Variants in TDP1 observed in about 807,000 individuals in gnomAD.
The protein encoded by TDP1 is tyr-DNA phosphodiesterase 1.
In TDP1, 64 loss-of-function variants were observed where a neutral mutation model predicts 81.5. The observed-to-expected ratio is 0.79, with a 90% CI of 0.64 to 0.97. TDP1 has a LOEUF of 0.97. Ranked by LOEUF, TDP1 falls within the 50% of genes least tolerant of loss-of-function variation. The probability of loss-of-function intolerance (pLI) is 0.00; values close to 1 mark genes in which losing one functional copy is unlikely to be tolerated. For missense variants in TDP1, 723 were observed against 743.8 expected (o/e 0.97, Z 0.33); for synonymous variants, 256 against 264.3 (o/e 0.97, Z 0.30).
Position 90,013,295 on chromosome 14 carries a change from C to CA in TDP1, c.1542-6020dup, listed in dbSNP as rs533340037. Among the ~76,000 whole-genome samples, 13 of 152,288 alleles carry CA rather than the reference C, an allele frequency of 8.5e-5. No homozygotes were observed. The South Asian group carries it at 2.7e-3, about 32-fold the overall frequency. On this transcript the variant is annotated intron_variant, in intron 14 of 16. Coordinates refer to ENST00000335725, the MANE Select transcript of TDP1 (RefSeq NM_018319.4). ...ATGATATGGTTTGGCTCTGTGTCCT[C>CA]ACCCAAATGTCATCTTGAACTGTAG...
At chr14:90,001,889 G>A (rs1897218423) in intron 14 of TDP1, among the ~76,000 whole-genome samples, 1 of 151,540 alleles carries the variant, frequency 6.6e-6, no homozygotes, top group South Asian at 2.1e-4. Flanking sequence ...CACTGCTTCT[G>A]TAGGCATCGA....
chr14:90,040,380 AC>A (rs1276197209), intron 16 of TDP1, among the ~76,000 whole-genome samples: 1 of 152,236 alleles, frequency 6.6e-6, no homozygotes, highest in Non-Finnish European at 1.5e-5. Context: ...CCAGGCCACA[AC>A]CCAGACCTAC....
chr14:89,966,251 C>A (rs1031760339), intron 4 of TDP1, 61 bp downstream of exon 4: 1 of 1,101,744 alleles, frequency 9.1e-7, no homozygotes, highest in African/African-American at 1.5e-5. Context: ...TTAAACAACT[C>A]CATAAGAAAA....
chr14:89,960,926 G>A (rs1404250098), intron 2 of TDP1, among the ~76,000 whole-genome samples: 1 of 152,112 alleles, frequency 6.6e-6, no homozygotes, highest in African/African-American at 2.4e-5. Context: ...AGAAAGGAGA[G>A]CTTAGTTCTT....
intron 10 of TDP1, chr14:89,988,400 C>G (rs2140114394): frequency 6.1e-6 from 1 of 163,196 alleles, no homozygotes; most frequent in East Asian, 1.9e-4. Context: ...GTGACCAGCC[C>G]CCATCCTGAA....
At chr14:90,029,338 C>T (rs1451640580) in intron 15 of TDP1, among the ~76,000 whole-genome samples, 1 of 151,690 alleles carries the variant, frequency 6.6e-6, no homozygotes, top group Non-Finnish European at 1.5e-5. Flanking sequence ...GCTGGGATTA[C>T]AGATGCGCAC....
At chr14:89,968,442 G>C (rs1424218551) in intron 5 of TDP1, among the ~76,000 whole-genome samples, 1 of 152,156 alleles carries the variant, frequency 6.6e-6, no homozygotes, top group Non-Finnish European at 1.5e-5. Context: ...CAGGTAGCAG[G>C]AAGGGGAAAG....
rs371976307 is a variant in TDP1 at position 90,033,102 on chromosome 14, G to A, written c.1645-4G>A. ...AATCATAGATTTCCTCTGTGTGTCT[G>A]CAGGGTCTAGACAGTTTCAAAGTGA... On this transcript the variant is annotated splice_polypyrimidine_tract_variant and splice_region_variant and intron_variant, in intron 15 of 16. Transcript: ENST00000335725. 8.8e-6 allele frequency: 14 copies of A among 1,590,422 alleles called. No individual in the cohort carries two copies. Among genetic ancestry groups the A allele is most frequent in the Non-Finnish European group, 1.1e-5 (13 of 1,159,028 alleles).
chr14:89,960,558 G>T (rs995535343), intron 2 of TDP1, among the ~76,000 whole-genome samples: 3 of 152,158 alleles, frequency 2.0e-5, no homozygotes, highest in African/African-American at 7.2e-5. Context: ...CTTTTAGAAA[G>T]CAGATATGAG....
Position 89,971,215 on chromosome 14 carries a change from G to A in TDP1, c.700G>A (p.Ala234Thr), listed in dbSNP as rs1470857718. ...ILLVHGDKREAKAHLHAQAKP... is the reference protein window; with the variant it reads ...ILLVHGDKRETKAHLHAQAKP... ...GCTTGTGCATGGTGATAAGCGAGAG[G>A]CTAAGGCTCACCTCCATGCCCAGGC... is the stretch of plus-strand genomic sequence containing the variant. The change falls in exon 6 of 17, where the codon GCT becomes ACT. Residue 234 changes from alanine (A) to threonine (T), a missense_variant. Transcript: ENST00000335725. 1.2e-6 allele frequency: 2 copies of A among 1,614,100 alleles called. No individual in the cohort carries two copies. The highest frequency in any genetic ancestry group is 1.7e-6 in the Non-Finnish European group (2 of 1,179,990).
intron 5 of TDP1, among the ~76,000 whole-genome samples, chr14:89,969,915 C>T (rs35561677): frequency 0.045 from 5,596 of 124,244 alleles, 374 homozygotes; most frequent in African/African-American, 0.16. Context: ...CTCGCTCTGT[C>T]GCCCAGGCTG....
chr14:89,968,861 T>C lies in TDP1; in HGVS notation c.659+1439T>C, dbSNP rs34429441. ...TATCTCACCCCCAAAAAAGATCTGTTGGAATCCTAAGCCTCAGTACCTCAG... is the reference window on the plus strand; with the variant it reads ...TATCTCACCCCCAAAAAAGATCTGTCGGAATCCTAAGCCTCAGTACCTCAG... On this transcript the variant is annotated intron_variant, in intron 5 of 16. Coordinates refer to ENST00000335725, the MANE Select transcript of TDP1 (RefSeq NM_018319.4). 2.1e-3 allele frequency among the ~76,000 whole-genome samples: 321 copies of C among 152,348 alleles called. 2 individuals carry two copies. Among genetic ancestry groups the C allele is most frequent in the African/African-American group, 7.3e-3 (304 of 41,580 alleles).
rs535399480 is a variant in TDP1, at chr14:89,983,378, G to A, written c.885-1138G>A. Reference sequence around the variant, plus strand: ...TGTCTCCCCAGGGTGGGAAGCAGGGGTATGAAATGCCCCTTGCTAGAAACT... The same window carrying A: ...TGTCTCCCCAGGGTGGGAAGCAGGGATATGAAATGCCCCTTGCTAGAAACT... On this transcript the variant is annotated intron_variant, in intron 8 of 16. Coordinates refer to ENST00000335725, the MANE Select transcript of TDP1 (RefSeq NM_018319.4). The A allele has an allele frequency of 2.9e-4, 65 of 221,602 alleles. 1 individual carries two copies. Among genetic ancestry groups the A allele is most frequent in the African/African-American group, 4.5e-4 (19 of 42,676 alleles). 13.7% of individuals were successfully genotyped at this position (221,602 alleles called of 1,614,324 possible).
rs1895878601 is a variant in TDP1, at chr14:89,989,016, G to C, written c.1243G>C (p.Glu415Gln). ...CGATGAATCAAAGTGGTTATGTTCT[G>C]AGTTTAAAGAGAGCATGCTGACACT... is the stretch of plus-strand genomic sequence containing the variant. Reference protein sequence around the residue: ...GADESKWLCSEFKESMLTLGK... With the variant: ...GADESKWLCSQFKESMLTLGK... Residue 415 changes from glutamate (E) to glutamine (Q), a missense_variant, in exon 11 of 17, where the codon GAG becomes CAG. Glu to Gln is a conservative substitution (Grantham distance 29). Transcript: ENST00000335725. 6.2e-7 allele frequency: 1 copy of C among 1,614,138 alleles called. No homozygotes were observed.
At chr14:90,006,866 A>G (rs1333615012) in intron 14 of TDP1, among the ~76,000 whole-genome samples, 1 of 151,952 alleles carries the variant, frequency 6.6e-6, no homozygotes, top group Non-Finnish European at 1.5e-5. Flanking sequence ...TGTATTTTTC[A>G]TAGAGATGGA....
chr14:90,001,682 A>G (rs923490097), intron 14 of TDP1, among the ~76,000 whole-genome samples: 1 of 151,946 alleles, frequency 6.6e-6, no homozygotes, highest in Non-Finnish European at 1.5e-5. Flanking sequence ...CTCAGGTTTT[A>G]TTTTTTTCTG....
At chr14:90,030,204 CGTGTCTTCCCTGTCCCCCTCCTCT>C (rs1269562948) in intron 15 of TDP1, among the ~76,000 whole-genome samples, 1 of 152,124 alleles carries the variant, frequency 6.6e-6, no homozygotes, top group Non-Finnish European at 1.5e-5. Context: ...GCCTGCCCTC[CGTGTCTTCCCTGTCCCCCTCCTCT>C]GTGTCTTCCC....
At chr14:90,008,071 A>G (rs1458832428) in intron 14 of TDP1, among the ~76,000 whole-genome samples, 1 of 152,180 alleles carries the variant, frequency 6.6e-6, no homozygotes, top group Non-Finnish European at 1.5e-5. Context: ...ATAAATAGGT[A>G]TGGATTTATT....
At chr14:90,001,042 A>G (rs757485635) in intron 14 of TDP1, among the ~76,000 whole-genome samples, 7 of 152,230 alleles carry the variant, frequency 4.6e-5, no homozygotes, top group Non-Finnish European at 7.3e-5. Flanking sequence ...CCCTTAGGAA[A>G]TGTATTTCGT....
Sources: allele counts gnomAD v4.1 joint callset (sites outside exome capture counted in the v4.1 genomes callset), GRCh38; gene constraint gnomAD v4.1.1; transcripts MANE v1.5; gene names NCBI Gene and HGNC (gene_info 2026-07-23, HGNC 2026-07-21).